Variants in MAD1L1 observed in about 807,000 individuals in gnomAD.
MAD1L1 encodes mitotic arrest deficient 1 like 1.
MAD1L1 carries 95 observed loss-of-function variants against 96.9 expected under a neutral mutation model. That is an observed-to-expected ratio of 0.98 (90% CI 0.83 to 1.16). MAD1L1 has a LOEUF of 1.16. MAD1L1 is among the 50% of genes most tolerant of loss of function. The pLI is 0.00. For synonymous variants in MAD1L1, 473 were observed against 396.6 expected, an observed-to-expected ratio of 1.19 and a Z score of -2.29; for missense variants, 1,007 against 954.4, an observed-to-expected ratio of 1.06 and a Z score of -0.73.
At chr7:1,929,711 TCCCCTCGCCCATCCCCCACTGCCAC>T (rs1359465116) in intron 17 of MAD1L1, among the ~76,000 whole-genome samples, 29 of 143,718 alleles carry the variant, frequency 2.0e-4, no homozygotes, top group Non-Finnish European at 3.2e-4. Context: ...CGCTGCCACG[TCCCCTCGCCCATCCCCCACTGCCAC>T]GTCCCCTCGC....
chr7:1,977,074 G>C (rs183859905), intron 15 of MAD1L1, among the ~76,000 whole-genome samples: 2 of 152,388 alleles, frequency 1.3e-5, no homozygotes, highest in South Asian at 2.1e-4. Context: ...ACGCCGGGCT[G>C]GGGGCAGAGC....
chr7:1,861,179 G>C (rs900110198), intron 18 of MAD1L1, among the ~76,000 whole-genome samples: 1 of 152,174 alleles, frequency 6.6e-6, no homozygotes, highest in African/African-American at 2.4e-5. Flanking sequence ...GTGACCCCCC[G>C]GGGCTGAGGC....
intron 10 of MAD1L1, among the ~76,000 whole-genome samples, chr7:2,164,422 G>A (rs985435589): frequency 3.9e-5 from 6 of 152,186 alleles, no homozygotes; most frequent in Non-Finnish European, 7.3e-5. Flanking sequence ...GAGGGCACCC[G>A]GCAGTCAGTG....
chr7:1,841,294 G>A (rs1000803139), intron 18 of MAD1L1, among the ~76,000 whole-genome samples: 1 of 152,246 alleles, frequency 6.6e-6, no homozygotes, highest in Admixed American at 6.5e-5. Flanking sequence ...GACAGCTCTT[G>A]GCTCCGCGTC....
intron 11 of MAD1L1, among the ~76,000 whole-genome samples, chr7:2,093,535 G>C (rs934931911): frequency 4.6e-5 from 7 of 152,230 alleles, no homozygotes; most frequent in African/African-American, 7.2e-5. Context: ...ACATTCTCGA[G>C]TGTTCTGAAT....
chr7:2,202,329 C>T (rs1388134683), intron 10 of MAD1L1, among the ~76,000 whole-genome samples: 2 of 152,222 alleles, frequency 1.3e-5, no homozygotes, highest in Admixed American at 6.5e-5. Context: ...TGGCAGGCAC[C>T]GTGCTCGGAC....
rs539122793 is a variant in MAD1L1 at position 2,030,158 on chromosome 7, G to A, written c.1219-15516C>T. Among the ~76,000 whole-genome samples, 32 of 152,288 alleles carry A rather than the reference G, an allele frequency of 2.1e-4. No individual in the cohort carries two copies. In the South Asian group the frequency reaches 2.3e-3, roughly 11 times the overall value. On this transcript the variant is annotated intron_variant, in intron 12 of 18. Coordinates refer to ENST00000265854, the MANE Select transcript of MAD1L1 (RefSeq NM_001013836.2). ...CTGGCAGAGAGTGCCCCAGAAACGC[G>A]GAACCCAGAGCTGTGTACAGGTGCA... is the stretch of plus-strand genomic sequence containing the variant.
At chr7:1,942,200 G>A (rs911730424) in intron 16 of MAD1L1, among the ~76,000 whole-genome samples, 6 of 152,224 alleles carry the variant, frequency 3.9e-5, no homozygotes, top group African/African-American at 1.2e-4. Context: ...ACTCATGGTG[G>A]GAGCAGCTGG....
chr7:2,215,794 T>G (rs146637101), intron 9 of MAD1L1, 91 bp downstream of exon 9: 186 of 1,170,498 alleles, frequency 1.6e-4, no homozygotes, highest in Admixed American at 2.1e-4. Flanking sequence ...ATGTTGTAGG[T>G]GAGCAGCTGG....
At chr7:1,854,216 G>A in intron 18 of MAD1L1, 1 of 340,224 alleles carries the variant, frequency 2.9e-6, no homozygotes, top group Non-Finnish European at 5.8e-6. Flanking sequence ...CCCAGGACAG[G>A]CCGCACCCAC....
At chr7:1,858,700 G>A (rs112589933) in intron 18 of MAD1L1, among the ~76,000 whole-genome samples, 3,536 of 152,328 alleles carry the variant, frequency 0.023, 62 homozygotes, top group Non-Finnish European at 0.037. Flanking sequence ...TGGCGAGGAC[G>A]CATGGGCTAC....
chr7:2,149,284 G>C (rs1231800885), intron 10 of MAD1L1, 46 bp from the exon 11 acceptor site: 1 of 1,478,504 alleles, frequency 6.8e-7, no homozygotes. Flanking sequence ...TCCCCGAGAA[G>C]TAAACCTGAT....
intron 12 of MAD1L1, among the ~76,000 whole-genome samples, chr7:2,018,229 C>T (rs1272887584): frequency 1.3e-5 from 2 of 152,196 alleles, no homozygotes; most frequent in Non-Finnish European, 2.9e-5. Flanking sequence ...TTGGGAAAAA[C>T]AAAGAGCCTC....
rs970161729 is a variant in MAD1L1, at chr7:1,936,776, C to T, written c.1718G>A (p.Gly573Glu). Residue 573 changes from glycine to glutamate, a missense_variant, in exon 17 of 19, where the codon GGG (glycine) becomes GAG (glutamate). Gly to Glu is a moderately conservative substitution (Grantham distance 98, BLOSUM62 -2). Transcript: ENST00000265854. ...TCCTCTCTCCATGGCGCGCAGGAGC[C>T]CGCGCAGTCGCTCGCACTCCGCCTG... ...QLQAECERLR[G>E]LLRAMERGGT... The T allele has an allele frequency of 1.3e-6, 2 of 1,576,568 alleles. No homozygotes were observed. The highest frequency in any genetic ancestry group is 3.7e-5 in the Admixed American group (2 of 54,308).
intron 15 of MAD1L1, among the ~76,000 whole-genome samples, chr7:1,959,787 T>C (rs1779875919): frequency 1.3e-5 from 2 of 152,058 alleles, no homozygotes; most frequent in African/African-American, 2.4e-5. Flanking sequence ...TCTACAGAAA[T>C]GTCAGGTAAG....
chr7:1,902,256 G>A (rs1787292561), intron 17 of MAD1L1, among the ~76,000 whole-genome samples: 1 of 152,202 alleles, frequency 6.6e-6, no homozygotes, highest in South Asian at 2.1e-4. Flanking sequence ...AGGCTAGCTA[G>A]CAGGAAAGAG....
At chr7:2,012,241 A>G (rs891328830) in intron 13 of MAD1L1, among the ~76,000 whole-genome samples, 3 of 152,212 alleles carry the variant, frequency 2.0e-5, no homozygotes, top group Non-Finnish European at 2.9e-5. Context: ...GATCGCCTTA[A>G]CACACAAAAC....
intron 18 of MAD1L1, among the ~76,000 whole-genome samples, chr7:1,877,537 G>A (rs1785447264): frequency 6.6e-6 from 1 of 151,238 alleles, no homozygotes; most frequent in South Asian, 2.1e-4. Context: ...ATGACAAGAT[G>A]GCAGATTTAA....
At chr7:2,230,419 G>A (rs1169018582) in intron 2 of MAD1L1, 130 bp downstream of exon 2, 3 of 349,612 alleles carry the variant, frequency 8.6e-6, no homozygotes, top group African/African-American at 2.1e-5. Flanking sequence ...GCTGGCGCCC[G>A]GGAGGCGGGG....
Sources: gnomAD v4.1 joint callset for allele counts (sites outside exome capture counted in the v4.1 genomes callset) on GRCh38, gnomAD v4.1.1 for gene constraint, MANE v1.5 for transcripts, NCBI Gene and HGNC (gene_info 2026-07-23, HGNC 2026-07-21) for gene names.